The following PDGFRL variants were observed in gnomAD, a reference collection of about 807,000 sequenced individuals.
The protein encoded by PDGFRL is platelet derived growth factor receptor like.
A neutral mutation model predicts 37.2 loss-of-function variants in PDGFRL; 46 were observed. The ratio of observed to expected loss-of-function variants is 1.24; its 90% CI spans 0.98 to 1.58. PDGFRL has a LOEUF of 1.58. PDGFRL is among the 40% of genes most tolerant of loss of function. PDGFRL has a pLI of 0.00. For missense variants in PDGFRL, 692 were observed against 467.6 expected (o/e 1.48, Z -4.43); for synonymous variants, 251 against 184.3 (o/e 1.36, Z -2.93).
intron 2 of PDGFRL, among the ~76,000 whole-genome samples, chr8:17,599,734 C>G (rs982149652): frequency 5.9e-5 from 9 of 152,178 alleles, no homozygotes; most frequent in African/African-American, 2.2e-4. Flanking sequence ...CTCTGACTTT[C>G]AGCTAATGAA....
intron 2 of PDGFRL, among the ~76,000 whole-genome samples, chr8:17,601,039 G>C (rs1403884550): frequency 1.3e-5 from 2 of 152,100 alleles, no homozygotes; most frequent in African/African-American, 4.8e-5. Context: ...TCATCCTCCT[G>C]TGTCCTTCAG....
chr8:17,640,798 T>C (rs931478928), intron 5 of PDGFRL, among the ~76,000 whole-genome samples: 1 of 152,106 alleles, frequency 6.6e-6, no homozygotes, highest in Non-Finnish European at 1.5e-5. Flanking sequence ...TGCAGTAGTA[T>C]AGGGAGGATC....
rs139055096 is a variant in PDGFRL at position 17,606,543 on chromosome 8, G to T, written c.354-14508G>T. On this transcript the variant is annotated intron_variant, in intron 2 of 5. Coordinates refer to ENST00000251630, the MANE Select transcript of PDGFRL (RefSeq NM_001372073.1). ...TGACCTAACCAATGCTGAAGGTAGA[G>T]CGTTCTCTTTCCAGACTCACTGGCA... 4.8e-3 allele frequency among the ~76,000 whole-genome samples: 730 copies of T among 152,302 alleles called. 7 individuals carry two copies. Among genetic ancestry groups the T allele is most frequent in the Non-Finnish European group, 7.3e-3 (497 of 68,032 alleles).
At chr8:17,599,332 T>C (rs1804118691) in intron 2 of PDGFRL, among the ~76,000 whole-genome samples, 1 of 152,228 alleles carries the variant, frequency 6.6e-6, no homozygotes, top group Non-Finnish European at 1.5e-5. Context: ...AAGTCCATTG[T>C]ATCATTCTTA....
At chr8:17,592,684 C>G (rs1283945021) in intron 2 of PDGFRL, among the ~76,000 whole-genome samples, 2 of 152,162 alleles carry the variant, frequency 1.3e-5, no homozygotes, top group African/African-American at 4.8e-5. Context: ...GGGCTAACCT[C>G]AGGCATCACT....
At chr8:17,627,238 C>T (rs757653609) in intron 3 of PDGFRL, among the ~76,000 whole-genome samples, 22 of 152,234 alleles carry the variant, frequency 1.4e-4, no homozygotes, top group Non-Finnish European at 3.2e-4. Context: ...CATAAAATCA[C>T]ATTAGTAAGT....
intron 5 of PDGFRL, among the ~76,000 whole-genome samples, chr8:17,638,742 T>C (rs1407399794): frequency 1.0e-4 from 2 of 20,050 alleles, no homozygotes; most frequent in Non-Finnish European, 2.0e-4. Context: ...TAGGTGCATA[T>C]ATATATATAT....
chr8:17,600,030 C>T (rs1340450840), intron 2 of PDGFRL, among the ~76,000 whole-genome samples: 2 of 152,196 alleles, frequency 1.3e-5, no homozygotes, highest in Non-Finnish European at 2.9e-5. Context: ...CCTTGACCCC[C>T]ATGCACCCTG....
rs144515458 is a variant in PDGFRL, at chr8:17,611,102, C to G, written c.354-9949C>G. ...CGCAGTGGGAGGCATGCCAAACTCT[C>G]TTTTCTCAGGAGTCCCCAGGGATTT... On this transcript the variant is annotated intron_variant, in intron 2 of 5. Transcript: ENST00000251630. Among the ~76,000 whole-genome samples the G allele has an allele frequency of 2.0e-5, 3 of 152,326 alleles. No individual in the cohort carries two copies. In the East Asian group the frequency reaches 5.8e-4, roughly 29 times the overall value.
At chr8:17,594,309 C>T (rs1231914547) in intron 2 of PDGFRL, among the ~76,000 whole-genome samples, 7 of 151,740 alleles carry the variant, frequency 4.6e-5, no homozygotes, top group East Asian at 1.9e-4. Context: ...GGGGGGATCT[C>T]GGCTCAGTAC....
At chr8:17,610,508 C>T (rs1294584133) in intron 2 of PDGFRL, among the ~76,000 whole-genome samples, 1 of 152,102 alleles carries the variant, frequency 6.6e-6, no homozygotes, top group African/African-American at 2.4e-5. Flanking sequence ...AAGTCCAAAC[C>T]CCTCTGGTTC....
chr8:17,633,723 C>A (rs1022040796), intron 4 of PDGFRL, among the ~76,000 whole-genome samples: 1 of 152,126 alleles, frequency 6.6e-6, no homozygotes, highest in East Asian at 1.9e-4. Flanking sequence ...CTGTGGACAC[C>A]ACCACCCAGT....
chr8:17,586,034 C>T (rs1177937929), intron 1 of PDGFRL, among the ~76,000 whole-genome samples: 1 of 151,978 alleles, frequency 6.6e-6, no homozygotes, highest in African/African-American at 2.4e-5. Context: ...TCACTGCAAC[C>T]TCCGTGTCCC....
intron 2 of PDGFRL, among the ~76,000 whole-genome samples, chr8:17,609,644 A>AAT (rs1804362789): frequency 1.6e-5 from 2 of 124,010 alleles, no homozygotes; most frequent in African/African-American, 2.9e-5. Flanking sequence ...TAAAAAAAAA[A>AAT]AAAAAAAAAA....
chr8:17,635,282 C>A (rs1804949169), intron 5 of PDGFRL, among the ~76,000 whole-genome samples: 1 of 151,878 alleles, frequency 6.6e-6, no homozygotes, highest in African/African-American at 2.4e-5. Context: ...TTATCTCTCA[C>A]CCCTCCCCCC....
intron 2 of PDGFRL, among the ~76,000 whole-genome samples, chr8:17,599,695 C>G (rs960711907): frequency 2.0e-5 from 3 of 152,166 alleles, no homozygotes; most frequent in Admixed American, 6.5e-5. Flanking sequence ...GTCACTTTTT[C>G]TCTCTTCTTA....
intron 2 of PDGFRL, among the ~76,000 whole-genome samples, chr8:17,615,897 G>A (rs992760659): frequency 6.6e-6 from 1 of 152,212 alleles, no homozygotes; most frequent in South Asian, 2.1e-4. Context: ...GCAAGAGAGC[G>A]AGACCCTATC....
chr8:17,626,210 A>G (rs1471435732), intron 3 of PDGFRL, among the ~76,000 whole-genome samples: 1 of 152,222 alleles, frequency 6.6e-6, no homozygotes, highest in Non-Finnish European at 1.5e-5. Context: ...AAATGTGGAC[A>G]TTGAAGCATG....
intron 2 of PDGFRL, among the ~76,000 whole-genome samples, chr8:17,619,844 A>T (rs1215550486): frequency 1.3e-5 from 2 of 152,228 alleles, no homozygotes; most frequent in Admixed American, 1.3e-4. Context: ...TTACTTAAGG[A>T]AACCGCAGGT....
Sources: gnomAD v4.1 joint callset for allele counts (sites outside exome capture counted in the v4.1 genomes callset) on GRCh38, gnomAD v4.1.1 for gene constraint, MANE v1.5 for transcripts, NCBI Gene and HGNC (gene_info 2026-07-23, HGNC 2026-07-21) for gene names.